OR4E2: variants seen among roughly 807,000 people sequenced by gnomAD.
The protein encoded by OR4E2 is olfactory receptor family 4 subfamily E member 2.
In OR4E2, 9 loss-of-function variants were observed where a neutral mutation model predicts 11.0. The observed-to-expected ratio is 0.82, with a 90% CI of 0.49 to 1.43. The LOEUF (loss-of-function observed/expected upper bound fraction) is 1.43. Among genes scored for constraint, OR4E2 ranks in the 40% most tolerant of loss-of-function variants. The probability of loss-of-function intolerance (pLI) is 0.00; values close to 1 mark genes in which losing one functional copy is unlikely to be tolerated. For synonymous variants in OR4E2, 159 were observed against 147.3 expected (o/e 1.08, Z -0.57); for missense variants, 441 against 382.0 (o/e 1.15, Z -1.29).
At position 21,667,194 on chromosome 14, in the gene OR4E2, T is replaced by C. The variant is rs1052965967; in HGVS notation, c.*1170T>C. 1 of 152,196 alleles carries C rather than the reference T, an allele frequency of 6.6e-6. No individual in the cohort carries two copies. Among genetic ancestry groups the C allele is most frequent in the Non-Finnish European group, 1.5e-5 (1 of 68,038 alleles). The allele number at this position is 152,196 out of a possible 1,614,324, so 9.4% of individuals were successfully genotyped here. On this transcript the variant is annotated 3_prime_UTR_variant, in exon 4 of 4. Transcript: ENST00000641524. ...TGGTTAATAATAAAAATATTAAGTATAAATATGTTTCTTTGCTTATTCTGA... is the reference window on the plus strand; with the variant it reads ...TGGTTAATAATAAAAATATTAAGTACAAATATGTTTCTTTGCTTATTCTGA...
Position 21,665,622 on chromosome 14 carries a change from T to C in OR4E2, c.540T>C (p.Asp180=), listed in dbSNP as rs747130660. ...ACATTATTGACAGCTACTTCTGTGA[T>C]GTGCCTCTTGTTATCAAGCTGGCCT... is the stretch of plus-strand genomic sequence containing the variant. ...GPNIIDSYFC[D]VPLVIKLACT... The change falls in exon 4 of 4, where the codon GAT becomes GAC. Residue 180 remains aspartate (D), a synonymous_variant. Transcript: ENST00000641524. 6 of 1,614,156 alleles carry C rather than the reference T, an allele frequency of 3.7e-6. No individual in the cohort carries two copies. The South Asian group carries it at 6.6e-5, about 18-fold the overall frequency.
chr14:21,659,111 C>T (rs1265937210), intron 2 of OR4E2, among the ~76,000 whole-genome samples: 1 of 152,154 alleles, frequency 6.6e-6, no homozygotes, highest in African/African-American at 2.4e-5. Flanking sequence ...TCATAGCTCA[C>T]TGCAGCCTCA....
rs763464838 is a variant in OR4E2, at chr14:21,656,798, ATGT to A, written c.-103+212_-103+214del. 6.9e-4 allele frequency among the ~76,000 whole-genome samples: 105 copies of A among 152,312 alleles called. 1 individual carries two copies. Among genetic ancestry groups the A allele is most frequent in the Non-Finnish European group, 1.3e-3 (88 of 68,018 alleles). ...TAAGGAATCAGAATACTTTTTTAACATGTTGCTGCCTATGAAGGCACCTGCACA... is the reference window on the plus strand; with the variant it reads ...TAAGGAATCAGAATACTTTTTTAACATGCTGCCTATGAAGGCACCTGCACA... On this transcript the variant is annotated intron_variant, in intron 2 of 3. Transcript: ENST00000641524.
chr14:21,664,655 C>T (rs182777106), intron 3 of OR4E2, among the ~76,000 whole-genome samples: 1 of 152,298 alleles, frequency 6.6e-6, no homozygotes, highest in Admixed American at 6.5e-5. Flanking sequence ...AAATGTGCAG[C>T]AGACTGTTGC....
chr14:21,654,747 T>TGAGAGAGAGA (rs34453088), intron 1 of OR4E2, among the ~76,000 whole-genome samples: 24 of 146,432 alleles, frequency 1.6e-4, no homozygotes, highest in African/African-American at 5.5e-4. Flanking sequence ...ATATATAAAA[T>TGAGAGAGAGA]GAGAGAGAGA....
intron 2 of OR4E2, among the ~76,000 whole-genome samples, chr14:21,657,058 TTATAGGATGAATGTTGAA>T (rs1879987728): frequency 6.6e-6 from 1 of 152,206 alleles, no homozygotes; most frequent in African/African-American, 2.4e-5. Flanking sequence ...TCACACATAA[TTATAGGATGAATGTTGAA>T]TGTTGAAAAG....
At position 21,667,357 on chromosome 14, in the gene OR4E2, C is replaced by T. The variant is rs1298960053; in HGVS notation, c.*1333C>T. 1 of 152,144 alleles carries T rather than the reference C, an allele frequency of 6.6e-6. No homozygotes were observed. The highest frequency in any genetic ancestry group is 1.5e-5 in the Non-Finnish European group (1 of 68,028). The allele number at this position is 152,144 out of a possible 1,614,324, so 9.4% of individuals were successfully genotyped here. On this transcript the variant is annotated 3_prime_UTR_variant, in exon 4 of 4. Coordinates refer to ENST00000641524, the MANE Select transcript of OR4E2 (RefSeq NM_001001912.3). The stretch of plus-strand genomic sequence containing the variant: ...CCACACATTACAGACATACACAATA[C>T]AGAGTGAGTGACCCACTAACTCTAA...
In OR4E2 at chr14:21,665,805, G is replaced by A. The variant is rs369985990; in HGVS notation, c.723G>A (p.Ser241=). 31 of 1,613,452 alleles carry A rather than the reference G, an allele frequency of 1.9e-5. No homozygotes were observed. The African/African-American group carries it at 2.9e-4, about 15-fold the overall frequency. Residue 241 remains serine (S), a synonymous_variant, in exon 4 of 4, where the codon TCG becomes TCA. Coordinates refer to ENST00000641524, the MANE Select transcript of OR4E2 (RefSeq NM_001001912.3). Reference sequence around the variant, plus strand: ...GCCGGAAAGCCCTGTCTACCTGCTCGGCCCACTTCATGGTGGTTGCCCTCT... The same window carrying A: ...GCCGGAAAGCCCTGTCTACCTGCTCAGCCCACTTCATGGTGGTTGCCCTCT... ...EGRRKALSTC[S]AHFMVVALFF...
intron 1 of OR4E2, among the ~76,000 whole-genome samples, chr14:21,655,461 T>A (rs1879889786): frequency 6.6e-6 from 1 of 152,092 alleles, no homozygotes; most frequent in Admixed American, 6.5e-5. Context: ...CACCAAGAAC[T>A]CGAGACCAAC....
Position 21,654,801 on chromosome 14 carries a change from T to C in OR4E2, c.-191+862T>C, listed in dbSNP as rs966496596. On this transcript the variant is annotated intron_variant, in intron 1 of 3. Transcript: ENST00000641524. ...GAGATAGCTTGATTTATTATGAGACTGTGGATTGTGGGTTTGGAAAGTTTA... is the reference window on the plus strand; with the variant it reads ...GAGATAGCTTGATTTATTATGAGACCGTGGATTGTGGGTTTGGAAAGTTTA... Among the ~76,000 whole-genome samples the C allele has an allele frequency of 7.2e-5, 11 of 151,784 alleles. No homozygotes were observed. The East Asian group carries it at 2.1e-3, about 29-fold the overall frequency.
chr14:21,665,186 A>G lies in OR4E2; in HGVS notation c.104A>G (p.Tyr35Cys), dbSNP rs1333861984. The G allele has an allele frequency of 6.2e-7, 1 of 1,613,832 alleles. No individual in the cohort carries two copies. The highest frequency in any genetic ancestry group is 1.7e-5 in the Admixed American group (1 of 60,016). The change falls in exon 4 of 4, where the codon TAT (tyrosine) becomes TGT (cysteine). Residue 35 changes from tyrosine (Y) to cysteine (C), a missense_variant. By Grantham distance (194) the Tyr-to-Cys change is radical. Coordinates refer to ENST00000641524, the MANE Select transcript of OR4E2 (RefSeq NM_001001912.3). ...MLFFMAFSAI[Y>C]MLTLSGNILI... ...TTTTTCATGGCATTCTCAGCCATTT[A>G]TATGCTAACGCTTTCGGGGAACATT...
rs902789872 is a variant in OR4E2 at position 21,657,110 on chromosome 14, T to A, written c.-103+521T>A. On this transcript the variant is annotated intron_variant, in intron 2 of 3. Transcript: ENST00000641524. Reference sequence around the variant, plus strand: ...AGATGAAGTCTTTTTTACTGGCAGATGGCCATTCAGTCTTTGTTTCTAAGA... The same window carrying A: ...AGATGAAGTCTTTTTTACTGGCAGAAGGCCATTCAGTCTTTGTTTCTAAGA... 2.0e-4 allele frequency among the ~76,000 whole-genome samples: 30 copies of A among 152,338 alleles called. No individual in the cohort carries two copies. The South Asian group carries it at 5.0e-3, about 25-fold the overall frequency.
At position 21,666,489 on chromosome 14, in the gene OR4E2, A is replaced by G. The variant is rs933897075; in HGVS notation, c.*465A>G. ...CAAGTGTATAAATAAGCCTTTACTTATTTATATTGAATTAAACTTTTGTTG... is the reference window on the plus strand; with the variant it reads ...CAAGTGTATAAATAAGCCTTTACTTGTTTATATTGAATTAAACTTTTGTTG... On this transcript the variant is annotated 3_prime_UTR_variant, in exon 4 of 4. Transcript: ENST00000641524. 3 of 152,384 alleles carry G rather than the reference A, an allele frequency of 2.0e-5. No homozygotes were observed. The highest frequency in any genetic ancestry group is 7.2e-5 in the African/African-American group (3 of 41,404). The allele number at this position is 152,384 out of a possible 1,614,324, so 9.4% of individuals were successfully genotyped here. A position where few individuals can be genotyped will look rare whatever the true frequency, so the allele number is the denominator to read the frequency against.
rs151017215 is a variant in OR4E2 at position 21,662,765 on chromosome 14, T to C, written c.-9+2019T>C. 1.6e-3 allele frequency among the ~76,000 whole-genome samples: 237 copies of C among 152,334 alleles called. 1 individual carries two copies. Among genetic ancestry groups the C allele is most frequent in the African/African-American group, 5.5e-3 (228 of 41,566 alleles). ...AAGCCCTGTGAACTACTGTTCCTAA[T>C]GTAAACCCCTAATGTAAGCCTCACG... is the stretch of plus-strand genomic sequence containing the variant. On this transcript the variant is annotated intron_variant, in intron 3 of 3. Transcript: ENST00000641524.
chr14:21,654,297 G>A (rs1879804331), intron 1 of OR4E2, among the ~76,000 whole-genome samples: 1 of 151,966 alleles, frequency 6.6e-6, no homozygotes, highest in Admixed American at 6.6e-5. Context: ...GATGATCATT[G>A]CAAAGAAGGT....
Position 21,665,109 on chromosome 14 carries a change from G to T in OR4E2, c.27G>T (p.Val9=), listed in dbSNP as rs1022790979. 13 of 1,611,722 alleles carry T rather than the reference G, an allele frequency of 8.1e-6. No individual in the cohort carries two copies. The highest frequency in any genetic ancestry group is 1.1e-5 in the Non-Finnish European group (13 of 1,178,762). MDSLNQTR[V]TEFVFLGLTD... is the part of the protein sequence containing the mutation. ...TGGACAGTCTAAACCAAACAAGAGT[G>T]ACTGAATTTGTCTTCTTGGGACTCA... is the stretch of plus-strand genomic sequence containing the variant. The change falls in exon 4 of 4, where the codon GTG becomes GTT. Residue 9 remains valine (V), a synonymous_variant. Coordinates refer to ENST00000641524, the MANE Select transcript of OR4E2 (RefSeq NM_001001912.3).
intron 2 of OR4E2, among the ~76,000 whole-genome samples, chr14:21,658,974 C>G (rs545202653): frequency 1.3e-5 from 2 of 152,042 alleles, no homozygotes; most frequent in African/African-American, 4.8e-5. Context: ...CAACTTACCC[C>G]CAAATTTTTG....
At position 21,665,205 on chromosome 14, in the gene OR4E2, G is replaced by A. The variant is rs771743540; in HGVS notation, c.123G>A (p.Gly41=). 6.2e-7 allele frequency: 1 copy of A among 1,613,914 alleles called. No homozygotes were observed. The highest frequency in any genetic ancestry group is 2.2e-5 in the East Asian group (1 of 44,876). Residue 41 remains glycine (G), a synonymous_variant, in exon 4 of 4, where the codon GGG becomes GGA. Coordinates refer to ENST00000641524, the MANE Select transcript of OR4E2 (RefSeq NM_001001912.3). ...CCATTTATATGCTAACGCTTTCGGG[G>A]AACATTCTCATCATCATTGCCACAG... The part of the protein sequence containing the change: ...FSAIYMLTLS[G]NILIIIATVF...
intron 2 of OR4E2, among the ~76,000 whole-genome samples, chr14:21,657,553 G>GTC (rs1234140909): frequency 0.045 from 5,067 of 111,876 alleles, 299 homozygotes; most frequent in Admixed American, 0.11. Flanking sequence ...TTTTCTGTCT[G>GTC]TCTCTCTCTC....
Sources: allele counts gnomAD v4.1 joint callset (sites outside exome capture counted in the v4.1 genomes callset), GRCh38; gene constraint gnomAD v4.1.1; transcripts MANE v1.5; gene names NCBI Gene and HGNC (gene_info 2026-07-23, HGNC 2026-07-21).